The following LPCAT1 variants were observed in gnomAD, a reference collection of about 807,000 sequenced individuals.
LPCAT1 encodes the protein lysophosphatidylcholine acyltransferase 1.
LPCAT1 carries 23 observed loss-of-function variants against 60.9 expected under a neutral mutation model. The observed-to-expected ratio is 0.38, with a 90% CI of 0.27 to 0.53. The LOEUF is 0.53. Among genes scored for constraint, LPCAT1 ranks in the 20% least tolerant of loss-of-function variants. The probability of loss-of-function intolerance (pLI) is 0.82; values close to 1 mark genes in which losing one functional copy is unlikely to be tolerated. For missense variants in LPCAT1, 622 were observed against 723.6 expected (o/e 0.86, Z 1.61); for synonymous variants, 340 against 301.1 (o/e 1.13, Z -1.34).
intron 1 of LPCAT1, among the ~76,000 whole-genome samples, chr5:1,517,269 G>A (rs559745480): frequency 6.6e-6 from 1 of 152,132 alleles, no homozygotes; most frequent in Non-Finnish European, 1.5e-5. Context: ...CATGGGCCGC[G>A]TGGGGATGAG....
rs1280573000 is a variant in LPCAT1 at position 1,487,340 on chromosome 5, C to G, written c.667+1051G>C. ...CACCCTCTGCATCTCTGGTTCTGAT[C>G]AGAATGACTCAGAACCACGCGTGGT... On this transcript the variant is annotated intron_variant, in intron 5 of 13. Coordinates refer to ENST00000283415, the MANE Select transcript of LPCAT1 (RefSeq NM_024830.5). This position sits in a 1 kb window ranked among gnomAD's most constrained non-coding sequence, Gnocchi z 6.1. Among the ~76,000 whole-genome samples the G allele has an allele frequency of 6.6e-6, 1 of 152,184 alleles. No individual in the cohort carries two copies. Among genetic ancestry groups the G allele is most frequent in the Admixed American group, 6.5e-5 (1 of 15,288 alleles).
chr5:1,475,376 A>G (rs1734860655), intron 9 of LPCAT1, among the ~76,000 whole-genome samples: 1 of 152,140 alleles, frequency 6.6e-6, no homozygotes, highest in South Asian at 2.1e-4. Context: ...ACTCCAGGTG[A>G]GCCAGGGACC....
chr5:1,481,402 G>A lies in LPCAT1; in HGVS notation c.727-426C>T, dbSNP rs1480231883. Among the ~76,000 whole-genome samples, 4 of 152,176 alleles carry A rather than the reference G, an allele frequency of 2.6e-5. No individual in the cohort carries two copies. Among genetic ancestry groups the A allele is most frequent in the South Asian group, 2.1e-4 (1 of 4,830 alleles). ...GGACCCCGGCCCTCTCCTGCCCACC[G>A]CTCTCTCCAACTGCTCTGAGTGTTC... On this transcript the variant is annotated intron_variant, in intron 6 of 13. Coordinates refer to ENST00000283415, the MANE Select transcript of LPCAT1 (RefSeq NM_024830.5). This position sits in a 1 kb window ranked among gnomAD's most constrained non-coding sequence, Gnocchi z 7.8.
intron 5 of LPCAT1, among the ~76,000 whole-genome samples, chr5:1,486,777 T>C (rs958907885): frequency 3.3e-5 from 5 of 152,226 alleles, no homozygotes; most frequent in Admixed American, 3.3e-4. Context: ...AACACGTGAC[T>C]CGAGGCAGCC....
chr5:1,480,438 C>T lies in LPCAT1; in HGVS notation c.761+504G>A. On this transcript the variant is annotated intron_variant, in intron 7 of 13. Transcript: ENST00000283415. This position sits in a 1 kb window ranked among gnomAD's most constrained non-coding sequence, Gnocchi z 6.4. ...TCAGCACCCAGGAGGCCCTGACCAG[C>T]CTGTGGCCCCGGGCTTCTCCTCTGG... The T allele has an allele frequency of 1.1e-6, 1 of 920,834 alleles. No individual in the cohort carries two copies. Among genetic ancestry groups the T allele is most frequent in the African/African-American group, 1.8e-5 (1 of 56,042 alleles). The allele number at this position is 920,834 out of a possible 1,614,324, so 57.0% of individuals were successfully genotyped here. A position where few individuals can be genotyped will look rare whatever the true frequency, so the allele number is the denominator to read the frequency against.
At chr5:1,507,192 C>T (rs1242216986) in intron 1 of LPCAT1, among the ~76,000 whole-genome samples, 1 of 152,160 alleles carries the variant, frequency 6.6e-6, no homozygotes, top group African/African-American at 2.4e-5. Context: ...CTGGGGAGGA[C>T]ACTGTGGACG....
Position 1,483,524 on chromosome 5 carries a change from C to T in LPCAT1, c.668-38G>A. 1 of 1,604,920 alleles carries T rather than the reference C, an allele frequency of 6.2e-7. No individual in the cohort carries two copies. Among genetic ancestry groups the T allele is most frequent in the Non-Finnish European group, 8.5e-7 (1 of 1,172,654 alleles). The stretch of plus-strand genomic sequence containing the variant: ...GAACAGCGGTGTTGCCCATGGCAGC[C>T]CACGCAGGACAGCGTCTGCTGCGTT... On this transcript the variant is annotated intron_variant, in intron 5 of 13. Coordinates refer to ENST00000283415, the MANE Select transcript of LPCAT1 (RefSeq NM_024830.5). The surrounding 1 kb of genome is among the most constrained non-coding windows in gnomAD (Gnocchi z 9.2).
intron 1 of LPCAT1, among the ~76,000 whole-genome samples, chr5:1,514,179 T>C (rs1034728145): frequency 3.9e-5 from 6 of 152,236 alleles, no homozygotes; most frequent in Middle Eastern, 3.4e-3. Flanking sequence ...GGCACCAGCT[T>C]TGTCCTCGAG....
rs143363636 is a variant in LPCAT1, at chr5:1,496,606, C to G, written c.279-1692G>C. ...AGGAAAAAAGGGATTAAAACCCGGG[C>G]GGCCCTTAGAGGAACACACCTGCCA... On this transcript the variant is annotated intron_variant, in intron 2 of 13. Coordinates refer to ENST00000283415, the MANE Select transcript of LPCAT1 (RefSeq NM_024830.5). The surrounding 1 kb of genome is among the most constrained non-coding windows in gnomAD (Gnocchi z 4.7). 1.3e-5 allele frequency among the ~76,000 whole-genome samples: 2 copies of G among 151,972 alleles called. No individual in the cohort carries two copies. Among genetic ancestry groups the G allele is most frequent in the East Asian group, 3.9e-4 (2 of 5,194 alleles).
At chr5:1,494,312 C>T (rs2126565763) in intron 3 of LPCAT1, among the ~76,000 whole-genome samples, 1 of 152,312 alleles carries the variant, frequency 6.6e-6, no homozygotes, top group East Asian at 1.9e-4. Flanking sequence ...ATAAAAATAA[C>T]AATTACAACA....
At chr5:1,499,875 A>G (rs1289182338) in intron 2 of LPCAT1, among the ~76,000 whole-genome samples, 1 of 152,266 alleles carries the variant, frequency 6.6e-6, no homozygotes, top group Non-Finnish European at 1.5e-5. Flanking sequence ...GGCAGATGTC[A>G]GCTCCCATCA....
intron 9 of LPCAT1, among the ~76,000 whole-genome samples, chr5:1,475,686 G>A (rs1193124293): frequency 1.3e-5 from 2 of 152,244 alleles, no homozygotes; most frequent in African/African-American, 4.8e-5. Context: ...GAAACCAGCC[G>A]GGAGGAGGCG....
rs1236411947 is a variant in LPCAT1 at position 1,523,752 on chromosome 5, G to A, written c.93C>T (p.Pro31=). Residue 31 remains proline, a synonymous_variant, in exon 1 of 14, where the codon CCC becomes CCT. Coordinates refer to ENST00000283415, the MANE Select transcript of LPCAT1 (RefSeq NM_024830.5). This position sits in a 1 kb window ranked among gnomAD's most constrained non-coding sequence, Gnocchi z 7.1. ...ARLLAPPGRN[P]FVHELRLSAL... ...CGCTGAGGCGCAGCTCGTGCACGAA[G>A]GGGTTCCGCCCCGGGGGCGCCAGCA... 2.6e-6 allele frequency: 3 copies of A among 1,173,146 alleles called. No individual in the cohort carries two copies. Among genetic ancestry groups the A allele is most frequent in the Admixed American group, 4.4e-5 (1 of 22,794 alleles). 72.7% of individuals were successfully genotyped at this position (1,173,146 alleles called of 1,614,324 possible).
intron 1 of LPCAT1, among the ~76,000 whole-genome samples, chr5:1,504,454 C>T (rs1736120566): frequency 6.6e-6 from 1 of 152,150 alleles, no homozygotes. Flanking sequence ...TGGTGGCTCA[C>T]ATCTGTAATC....
At chr5:1,513,647 T>C (rs572147801) in intron 1 of LPCAT1, among the ~76,000 whole-genome samples, 191 of 97,886 alleles carry the variant, frequency 2.0e-3, no homozygotes, top group Middle Eastern at 0.016. Context: ...CCTGCGATTA[T>C]GTTTCCTCCA....
At chr5:1,479,871 C>T (rs1015357103) in intron 7 of LPCAT1, among the ~76,000 whole-genome samples, 196 bp from the exon 8 acceptor site, 1 of 151,862 alleles carries the variant, frequency 6.6e-6, no homozygotes, top group South Asian at 2.1e-4. Context: ...GGAAATGCTG[C>T]TTTTCCGATT....
intron 2 of LPCAT1, among the ~76,000 whole-genome samples, chr5:1,497,279 G>A (rs193176754): frequency 6.6e-6 from 1 of 152,378 alleles, no homozygotes; most frequent in Admixed American, 6.5e-5. Flanking sequence ...ACATGCAGGG[G>A]GAAAAGGAGG....
rs1316386478 is a variant in LPCAT1 at position 1,483,120 on chromosome 5, G to A, written c.726+308C>T. Among the ~76,000 whole-genome samples, 2 of 152,154 alleles carry A rather than the reference G, an allele frequency of 1.3e-5. No individual in the cohort carries two copies. Among genetic ancestry groups the A allele is most frequent in the Admixed American group, 1.3e-4 (2 of 15,278 alleles). ...AAAATGTCAGGTTTGGCACACAGAG[G>A]AAAGGGCAGCTTTGTCAGGAGCTAT... is the stretch of plus-strand genomic sequence containing the variant. On this transcript the variant is annotated intron_variant, in intron 6 of 13. Transcript: ENST00000283415. The surrounding 1 kb of genome is among the most constrained non-coding windows in gnomAD (Gnocchi z 9.2).
At position 1,474,071 on chromosome 5, in the gene LPCAT1, G is replaced by T. The variant is rs113609424; in HGVS notation, c.1065C>A (p.Tyr355Ter). ...CTCCCTTCATCCTGGCTCTTTCTGAGTATCTGTCCAGATCTTTTTCAAGCT... is the reference window on the plus strand; with the variant it reads ...CTCCCTTCATCCTGGCTCTTTCTGATTATCTGTCCAGATCTTTTTCAAGCT... ...PEKLEKDLDR[Y>*]SERARMKGGE... The change falls in exon 11 of 14, where the codon TAC becomes TAA. Residue 355 changes from tyrosine to a stop codon, truncating the protein, a stop_gained. Coordinates refer to ENST00000283415, the MANE Select transcript of LPCAT1 (RefSeq NM_024830.5). LOFTEE classifies it high-confidence loss of function. The T allele has an allele frequency of 6.2e-7, 1 of 1,614,148 alleles. No homozygotes were observed. Among genetic ancestry groups the T allele is most frequent in the Non-Finnish European group, 8.5e-7 (1 of 1,180,020 alleles).
Sources: gnomAD v4.1 joint callset for allele counts (sites outside exome capture counted in the v4.1 genomes callset) on GRCh38, gnomAD v4.1.1 for gene constraint, Gnocchi (gnomAD v3.1) non-coding constraint, MANE v1.5 for transcripts, NCBI Gene and HGNC (gene_info 2026-07-23, HGNC 2026-07-21) for gene names.